The following MACROD2 variants were observed in gnomAD, a reference collection of about 807,000 sequenced individuals.
MACROD2 encodes the protein ADP-ribose glycohydrolase MACROD2.
Under a neutral mutation model 70.4 loss-of-function variants are expected in MACROD2, and 36 were observed. That is an observed-to-expected ratio of 0.51 (90% CI 0.39 to 0.68). The LOEUF is 0.68. Among genes scored for constraint, MACROD2 ranks in the 30% least tolerant of loss-of-function variants. The pLI is 0.00. For missense variants in MACROD2, 496 were observed against 538.4 expected, an observed-to-expected ratio of 0.92 and a Z score of 0.78; for synonymous variants, 172 against 178.8, an observed-to-expected ratio of 0.96 and a Z score of 0.30.
At chr20:15,409,577 T>C (rs1311379622) in intron 6 of MACROD2, among the ~76,000 whole-genome samples, 1 of 152,216 alleles carries the variant, frequency 6.6e-6, no homozygotes, top group African/African-American at 2.4e-5. Flanking sequence ...AAGCAGACAG[T>C]GAGACCAGTG....
At chr20:14,318,664 A>G (rs2082633735) in intron 3 of MACROD2, among the ~76,000 whole-genome samples, 2 of 152,276 alleles carry the variant, frequency 1.3e-5, no homozygotes, top group African/African-American at 4.8e-5. Flanking sequence ...TAATGTCTAT[A>G]CTATTTAGAA....
chr20:14,093,703 C>G (rs1394561069), intron 3 of MACROD2, among the ~76,000 whole-genome samples: 1 of 151,420 alleles, frequency 6.6e-6, no homozygotes, highest in Non-Finnish European at 1.5e-5. Flanking sequence ...ACAAAAAAAC[C>G]CCAGGAAAAT....
chr20:14,878,679 A>G (rs1219158096), intron 5 of MACROD2, among the ~76,000 whole-genome samples: 1 of 152,138 alleles, frequency 6.6e-6, no homozygotes, highest in African/African-American at 2.4e-5. Context: ...TATTGGATGA[A>G]TTCTTTTATT....
At chr20:14,282,733 G>C (rs2082316191) in intron 3 of MACROD2, among the ~76,000 whole-genome samples, 1 of 152,134 alleles carries the variant, frequency 6.6e-6, no homozygotes, top group South Asian at 2.1e-4. Context: ...AGGAGGAGCA[G>C]GCGTATCACA....
chr20:15,233,983 T>TTATTTATATATA (rs1491448574), intron 6 of MACROD2, among the ~76,000 whole-genome samples: 6 of 44,004 alleles, frequency 1.4e-4, no homozygotes, highest in African/African-American at 5.4e-4. Context: ...ATATATTTAT[T>TTATTTATATATA]TATATATATA....
At chr20:15,971,863 A>G (rs963233761) in intron 13 of MACROD2, among the ~76,000 whole-genome samples, 6 of 152,144 alleles carry the variant, frequency 3.9e-5, no homozygotes, top group African/African-American at 7.3e-5. Flanking sequence ...GCAGGAAAGT[A>G]TGATGCACAG....
At chr20:15,775,635 G>A (rs2051709262) in intron 8 of MACROD2, among the ~76,000 whole-genome samples, 1 of 152,138 alleles carries the variant, frequency 6.6e-6, no homozygotes, top group Non-Finnish European at 1.5e-5. Flanking sequence ...ATATGGAATA[G>A]CCAAATATTT....
At chr20:15,382,435 A>G (rs1033239676) in intron 6 of MACROD2, among the ~76,000 whole-genome samples, 2 of 152,158 alleles carry the variant, frequency 1.3e-5, no homozygotes, top group Non-Finnish European at 2.9e-5. Flanking sequence ...TGAAAGAATT[A>G]TATTTATTTT....
intron 6 of MACROD2, among the ~76,000 whole-genome samples, chr20:15,326,465 C>T (rs1235923314): frequency 6.6e-6 from 1 of 151,968 alleles, no homozygotes; most frequent in Admixed American, 6.6e-5. Context: ...ATATGAAGAC[C>T]TTATGTTATT....
At chr20:14,714,726 T>C (rs1180401744) in intron 5 of MACROD2, among the ~76,000 whole-genome samples, 2 of 152,076 alleles carry the variant, frequency 1.3e-5, no homozygotes, top group African/African-American at 4.8e-5. Context: ...CTCCTACTTA[T>C]CCTTCACATC....
chr20:14,960,527 T>C (rs765866527), intron 5 of MACROD2, among the ~76,000 whole-genome samples: 25 of 152,222 alleles, frequency 1.6e-4, no homozygotes, highest in Non-Finnish European at 3.2e-4. Context: ...GTTTTTTCTT[T>C]TATTATATGG....
intron 5 of MACROD2, among the ~76,000 whole-genome samples, chr20:15,181,135 A>G (rs2076497731): frequency 6.6e-6 from 1 of 152,226 alleles, no homozygotes; most frequent in Admixed American, 6.5e-5. Context: ...CCGAGTATAG[A>G]AAATTCAGCT....
At chr20:14,273,403 A>G (rs1465198891) in intron 3 of MACROD2, among the ~76,000 whole-genome samples, 3 of 150,718 alleles carry the variant, frequency 2.0e-5, no homozygotes, top group Non-Finnish European at 4.4e-5. Flanking sequence ...TACTGGGTAC[A>G]TAACGAAATG....
chr20:15,121,461 C>T (rs56804256), intron 5 of MACROD2, among the ~76,000 whole-genome samples: 2 of 144,264 alleles, frequency 1.4e-5, no homozygotes, highest in East Asian at 2.1e-4. Flanking sequence ...TGCAGTGAGC[C>T]GAGATCGAGC....
At chr20:15,834,201 G>A (rs969850574) in intron 8 of MACROD2, among the ~76,000 whole-genome samples, 3 of 152,096 alleles carry the variant, frequency 2.0e-5, no homozygotes, top group Admixed American at 6.6e-5. Flanking sequence ...TTAGCTGGGT[G>A]TGGTGGTGGG....
chr20:14,238,949 C>A (rs1052793586), intron 3 of MACROD2, among the ~76,000 whole-genome samples: 6 of 147,168 alleles, frequency 4.1e-5, no homozygotes, highest in Non-Finnish European at 8.9e-5. Flanking sequence ...ATCGCTTGAA[C>A]CTGGGAGGCA....
At chr20:15,180,810 A>G (rs574464671) in intron 5 of MACROD2, among the ~76,000 whole-genome samples, 2 of 152,316 alleles carry the variant, frequency 1.3e-5, no homozygotes, top group South Asian at 4.1e-4. Context: ...TTTTAATTCA[A>G]CACCTCAAAA....
chr20:15,942,227 A>G (rs113745375), intron 12 of MACROD2, among the ~76,000 whole-genome samples: 6 of 152,298 alleles, frequency 3.9e-5, no homozygotes, highest in African/African-American at 1.2e-4. Flanking sequence ...TGACTGGCTC[A>G]TGGATCAAGA....
At chr20:14,731,394 T>C (rs2071595481) in intron 5 of MACROD2, among the ~76,000 whole-genome samples, 1 of 152,068 alleles carries the variant, frequency 6.6e-6, no homozygotes, top group South Asian at 2.1e-4. Context: ...GAATCCACGA[T>C]CTCTTAGAAG....
Sources: allele counts gnomAD v4.1 joint callset (sites outside exome capture counted in the v4.1 genomes callset), GRCh38; gene constraint gnomAD v4.1.1; transcripts MANE v1.5; gene names NCBI Gene and HGNC (gene_info 2026-07-23, HGNC 2026-07-21).